DGKH: variants seen among roughly 807,000 people sequenced by gnomAD.
The protein encoded by DGKH is DAG kinase eta.
A neutral mutation model predicts 159.3 loss-of-function variants in DGKH; 90 were observed. The ratio of observed to expected loss-of-function variants is 0.57; its 90% CI spans 0.48 to 0.67. DGKH has a LOEUF of 0.67. Ranked by LOEUF, DGKH falls within the 30% of genes least tolerant of loss-of-function variation. DGKH has a pLI of 0.00. For synonymous variants in DGKH, 536 were observed against 553.8 expected (o/e 0.97, Z 0.45); for missense variants, 1,181 against 1,506.1 (o/e 0.78, Z 3.57).
intron 21 of DGKH, among the ~76,000 whole-genome samples, chr13:42,207,111 T>TGC (rs1957514478): frequency 9.1e-6 from 1 of 109,790 alleles, no homozygotes; most frequent in African/African-American, 3.7e-5. Context: ...CTTTCTTTCT[T>TGC]TCTCTTTCTC....
chr13:42,224,238 C>T (rs1037413145), intron 29 of DGKH, among the ~76,000 whole-genome samples: 13 of 152,192 alleles, frequency 8.5e-5, no homozygotes, highest in African/African-American at 2.9e-4. Context: ...TCCTGTTCTG[C>T]CCCTTCTCCA....
chr13:42,188,933 A>T, intron 14 of DGKH, 103 bp from the exon 15 acceptor site: 1 of 1,327,170 alleles, frequency 7.5e-7, no homozygotes, highest in Non-Finnish European at 1.0e-6. Flanking sequence ...TTTTCTCTCT[A>T]GTGATTAAAC....
intron 3 of DGKH, among the ~76,000 whole-genome samples, chr13:42,130,327 A>T (rs1206991809): frequency 1.3e-5 from 2 of 152,100 alleles, no homozygotes; most frequent in Non-Finnish European, 2.9e-5. Flanking sequence ...CACGGTGGGA[A>T]TCCTACCAAT....
intron 1 of DGKH, among the ~76,000 whole-genome samples, chr13:42,071,608 A>T (rs1882975034): frequency 6.6e-6 from 1 of 152,196 alleles, no homozygotes; most frequent in Admixed American, 6.5e-5. Context: ...GTTGCTATAT[A>T]TTTCAACAGG....
At chr13:42,064,161 G>C (rs899660911) in intron 1 of DGKH, among the ~76,000 whole-genome samples, 2 of 152,070 alleles carry the variant, frequency 1.3e-5, no homozygotes, top group African/African-American at 4.8e-5. Flanking sequence ...GCAGAGGTTG[G>C]CACTTCTAGA....
intron 1 of DGKH, among the ~76,000 whole-genome samples, chr13:42,100,582 T>C (rs1442170540): frequency 6.6e-6 from 1 of 152,030 alleles, no homozygotes; most frequent in African/African-American, 2.4e-5. Context: ...TTTGGAAAAA[T>C]GCGTGGATTT....
chr13:42,151,826 G>A (rs1955912979), intron 3 of DGKH, among the ~76,000 whole-genome samples: 1 of 151,976 alleles, frequency 6.6e-6, no homozygotes, highest in Non-Finnish European at 1.5e-5. Context: ...TGAGATTGCT[G>A]TGTCAAATGG....
At chr13:42,214,644 A>G (rs775786002) in intron 25 of DGKH, 32 bp downstream of exon 25, 3 of 1,602,264 alleles carry the variant, frequency 1.9e-6, no homozygotes, top group Admixed American at 1.7e-5. Context: ...CTCATTCCAC[A>G]GATTCTTTTG....
At chr13:42,164,201 T>A (rs926773541) in intron 7 of DGKH, among the ~76,000 whole-genome samples, 2 of 152,244 alleles carry the variant, frequency 1.3e-5, no homozygotes, top group Non-Finnish European at 2.9e-5. Flanking sequence ...TTTCCTACTG[T>A]CATCCAGGTC....
chr13:42,181,497 C>A, intron 13 of DGKH: 1 of 198,442 alleles, frequency 5.0e-6, no homozygotes. Flanking sequence ...TGCACTGTTT[C>A]AGCACCTCCT....
At chr13:42,207,120 TCTCTCCTTCCTTCC>T (rs1957516265) in intron 21 of DGKH, among the ~76,000 whole-genome samples, 2 of 54,650 alleles carry the variant, frequency 3.7e-5, no homozygotes, top group Non-Finnish European at 9.2e-5. Flanking sequence ...TTTCTCTTTC[TCTCTCCTTCCTTCC>T]TTCCTTCCTT....
chr13:42,159,242 C>CTATTTTTTTTTTTTT, intron 5 of DGKH, 24 bp from the exon 6 acceptor site: 2 of 159,088 alleles, frequency 1.3e-5, no homozygotes, highest in African/African-American at 2.0e-4. Flanking sequence ...AAAGCAGTTG[C>CTATTTTTTTTTTTTT]TCTTTTTTTT....
upstream of DGKH, among the ~76,000 whole-genome samples, chr13:42,046,559 A>C (rs1267956822): frequency 1.3e-5 from 2 of 152,258 alleles, no homozygotes; most frequent in East Asian, 3.8e-4. Flanking sequence ...TAAATGGCTC[A>C]GCTCTGGGAT....
chr13:42,074,169 G>T (rs542229947), intron 1 of DGKH, among the ~76,000 whole-genome samples: 1 of 152,322 alleles, frequency 6.6e-6, no homozygotes, highest in South Asian at 2.1e-4. Context: ...AATAATAGTT[G>T]AAGGAAGCTG....
chr13:42,092,832 A>G (rs1307554772), intron 1 of DGKH, among the ~76,000 whole-genome samples: 2 of 152,228 alleles, frequency 1.3e-5, no homozygotes, highest in Admixed American at 1.3e-4. Flanking sequence ...CACATTGTAT[A>G]CAAGTATCAA....
chr13:42,173,393 C>G (rs942735354), intron 11 of DGKH, among the ~76,000 whole-genome samples: 1 of 152,120 alleles, frequency 6.6e-6, no homozygotes, highest in African/African-American at 2.4e-5. Context: ...TCTCTAACAC[C>G]AAATGATTTT....
At position 42,239,944 on chromosome 13, in the gene DGKH, G is replaced by A. The variant is rs1958486047; in HGVS notation, c.*10756G>A. The A allele has an allele frequency of 6.6e-6, 1 of 152,162 alleles. No homozygotes were observed. The highest frequency in any genetic ancestry group is 6.5e-5 in the Admixed American group (1 of 15,282). The allele number at this position is 152,162 out of a possible 1,614,324, so 9.4% of individuals were successfully genotyped here. On this transcript the variant is annotated 3_prime_UTR_variant, in exon 30 of 30. Transcript: ENST00000337343. ...ACATGCCATAGATGAACATGTTCAA[G>A]ACTCAGTTCAAATTTAACTTTCTGT...
intron 15 of DGKH, among the ~76,000 whole-genome samples, chr13:42,189,724 T>C (rs992928942): frequency 2.0e-5 from 3 of 152,178 alleles, no homozygotes; most frequent in African/African-American, 7.2e-5. Context: ...TGGAGTACAG[T>C]GGCGTGATCT....
At chr13:42,094,271 TAAAA>T (rs1462386040) in intron 1 of DGKH, among the ~76,000 whole-genome samples, 2 of 152,088 alleles carry the variant, frequency 1.3e-5, no homozygotes, top group Non-Finnish European at 2.9e-5. Flanking sequence ...AGTATAATAA[TAAAA>T]AAAGATGTCA....
Sources: allele counts gnomAD v4.1 joint callset (sites outside exome capture counted in the v4.1 genomes callset), GRCh38; gene constraint gnomAD v4.1.1; transcripts MANE v1.5; gene names NCBI Gene and HGNC (gene_info 2026-07-23, HGNC 2026-07-21).